FANCA: variants seen among roughly 807,000 people sequenced by gnomAD.
FANCA encodes the protein Fanconi anemia group A protein.
In FANCA, 236 loss-of-function variants were observed where a neutral mutation model predicts 194.3. The ratio of observed to expected loss-of-function variants is 1.21; its 90% CI spans 1.09 to 1.35. FANCA has a LOEUF of 1.35. Among genes scored for constraint, FANCA ranks in the 40% most tolerant of loss-of-function variants. The probability of loss-of-function intolerance (pLI) is 0.00; values close to 1 mark genes in which losing one functional copy is unlikely to be tolerated. For synonymous variants in FANCA, 1,014 were observed against 715.8 expected, an observed-to-expected ratio of 1.42 and a Z score of -6.65; for missense variants, 2,628 against 1,813.9, an observed-to-expected ratio of 1.45 and a Z score of -8.15.
At chr16:89,786,015 ATT>A (rs67279101) in intron 14 of FANCA, among the ~76,000 whole-genome samples, 10 of 104,074 alleles carry the variant, frequency 9.6e-5, no homozygotes, top group African/African-American at 1.2e-4. Flanking sequence ...ACTCCCAGCT[ATT>A]TTTTTTTTTT....
chr16:89,773,170 C>A, intron 22 of FANCA, 101 bp downstream of exon 22: 1 of 924,904 alleles, frequency 1.1e-6, no homozygotes. Flanking sequence ...ACTAGGAAGA[C>A]ACACCAGCCT....
At chr16:89,752,476 C>G (rs539202504) in intron 30 of FANCA, among the ~76,000 whole-genome samples, 1 of 152,116 alleles carries the variant, frequency 6.6e-6, no homozygotes. Flanking sequence ...GCCACCCAGG[C>G]ACCAAGGCAA....
At chr16:89,789,781 CTT>C (rs10565316) in intron 14 of FANCA, among the ~76,000 whole-genome samples, 3,185 of 152,202 alleles carry the variant, frequency 0.021, 107 homozygotes, top group African/African-American at 0.072. Flanking sequence ...CAAATGGAAA[CTT>C]TACTCACAAG....
chr16:89,759,202 C>A lies in FANCA; in HGVS notation c.2853-497G>T, dbSNP rs1017890646. Among the ~76,000 whole-genome samples the A allele has an allele frequency of 3.1e-4, 47 of 151,266 alleles. 1 individual carries two copies. Among genetic ancestry groups the A allele is most frequent in the Admixed American group, 9.9e-4 (15 of 15,150 alleles). On this transcript the variant is annotated intron_variant, in intron 29 of 42. Transcript: ENST00000389301. ...GGGCGTGGTGGTGGGCGCCTGTAGT[C>A]CCAGCTACTCAGGAGGCTGAGGCAG...
chr16:89,784,286 T>C (rs1300673375), intron 15 of FANCA, among the ~76,000 whole-genome samples: 1 of 151,604 alleles, frequency 6.6e-6, no homozygotes, highest in Non-Finnish European at 1.5e-5. Context: ...GTGGGAGAAC[T>C]GCTTGACCTG....
rs764052666 is a variant in FANCA, at chr16:89,814,606, C to G, written c.197G>C (p.Gly66Ala). Reference sequence around the variant, plus strand: ...GAGAGACAATTTTTTACACAGTGGACCTTCTACCTAGAATCCAAAACACAA... The same window carrying G: ...GAGAGACAATTTTTTACACAGTGGAGCTTCTACCTAGAATCCAAAACACAA... ...DLNALLLEVE[G>A]PLCKKLSLSK... Residue 66 changes from glycine to alanine, a missense_variant, in exon 3 of 43, where the codon GGT becomes GCT. Transcript: ENST00000389301. 2 of 1,612,534 alleles carry G rather than the reference C, an allele frequency of 1.2e-6. No homozygotes were observed. Among genetic ancestry groups the G allele is most frequent in the South Asian group, 2.2e-5 (2 of 91,040 alleles).
chr16:89,813,806 C>CCGTGTGTG, intron 3 of FANCA, among the ~76,000 whole-genome samples: 2 of 149,546 alleles, frequency 1.3e-5, no homozygotes, highest in East Asian at 4.0e-4. Flanking sequence ...AAGTCTTTTA[C>CCGTGTGTG]TGTGTGTGTG....
chr16:89,745,042 C>T lies in FANCA; in HGVS notation c.3543G>A (p.Leu1181=), dbSNP rs1336604242. 6.2e-7 allele frequency: 1 copy of T among 1,609,486 alleles called. No homozygotes were observed. The change falls in exon 36 of 43, where the codon CTG becomes CTA. Residue 1181 remains leucine (L), a synonymous_variant. Transcript: ENST00000389301. The part of the protein sequence containing the change: ...LVWWPSLEPV[L]LCRWRRHCQS... ...GGCAGTGTCTCCTCCACCGGCAGAG[C>T]AGCACAGGCTCCAGGCTCGGCCACC...
intron 17 of FANCA, among the ~76,000 whole-genome samples, chr16:89,781,509 T>TA (rs377160385): frequency 2.7e-5 from 4 of 145,566 alleles, no homozygotes; most frequent in Admixed American, 6.9e-5. Flanking sequence ...CCATCTCTAC[T>TA]AAAAAAATAC....
intron 36 of FANCA, among the ~76,000 whole-genome samples, chr16:89,744,203 CTTCT>C (rs2062195079): frequency 1.3e-5 from 2 of 152,220 alleles, no homozygotes; most frequent in Non-Finnish European, 1.5e-5. Context: ...GCCCTCTTCT[CTTCT>C]TTCAGCAGAC....
At chr16:89,809,009 C>T (rs889236344) in intron 5 of FANCA, among the ~76,000 whole-genome samples, 2 of 151,948 alleles carry the variant, frequency 1.3e-5, no homozygotes, top group African/African-American at 2.4e-5. Flanking sequence ...GGGTTCACGC[C>T]ATTCTCCTGC....
chr16:89,782,870 C>A lies in FANCA; in HGVS notation c.1615G>T (p.Asp539Tyr), dbSNP rs2039767633. ...GLYEDLSSAG[D>Y]ITEPHSQALQ... ...TCAAGCAACATTACCTCAGTAATGTCCCCAGCTGATGACAAATCCTCGTAG... is the reference window on the plus strand; with the variant it reads ...TCAAGCAACATTACCTCAGTAATGTACCCAGCTGATGACAAATCCTCGTAG... Residue 539 changes from aspartate to tyrosine, a missense_variant, in exon 17 of 43, where the codon GAC becomes TAC. Coordinates refer to ENST00000389301, the MANE Select transcript of FANCA (RefSeq NM_000135.4). 4 of 1,613,722 alleles carry A rather than the reference C, an allele frequency of 2.5e-6. No homozygotes were observed. The African/African-American group carries it at 5.3e-5, about 22-fold the overall frequency.
intron 33 of FANCA, among the ~76,000 whole-genome samples, chr16:89,747,961 G>A (rs553857677): frequency 6.6e-6 from 1 of 152,278 alleles, no homozygotes; most frequent in Admixed American, 6.5e-5. Flanking sequence ...CACCCAGGCT[G>A]GAGTGTAGTG....
At chr16:89,739,795 T>C (rs1390725371) in intron 39 of FANCA, 199 bp downstream of exon 39, 3 of 1,467,188 alleles carry the variant, frequency 2.0e-6, no homozygotes, top group South Asian at 2.8e-5. Flanking sequence ...GATAGGCCCA[T>C]TGGTCCTGGG....
intron 3 of FANCA, among the ~76,000 whole-genome samples, 168 bp from the exon 4 acceptor site, chr16:89,811,239 T>C (rs17232176): frequency 1.2e-3 from 190 of 152,268 alleles, no homozygotes; most frequent in African/African-American, 4.4e-3. Flanking sequence ...AAATGAGAAT[T>C]TGATGATCCA....
chr16:89,803,176 TAG>T (rs546524443), intron 8 of FANCA, 81 bp downstream of exon 8: 37 of 1,303,540 alleles, frequency 2.8e-5, no homozygotes, highest in East Asian at 2.3e-4. Flanking sequence ...CACGTTTCAA[TAG>T]AGAGACACGT....
At chr16:89,739,876 T>G in intron 39 of FANCA, 118 bp downstream of exon 39, 1 of 1,552,792 alleles carries the variant, frequency 6.4e-7, no homozygotes, top group Non-Finnish European at 8.7e-7. Flanking sequence ...CCAACTAAAA[T>G]GGAGCTTATA....
chr16:89,743,777 C>A (rs773572246), intron 36 of FANCA, among the ~76,000 whole-genome samples: 5 of 152,044 alleles, frequency 3.3e-5, no homozygotes, highest in African/African-American at 1.2e-4. Flanking sequence ...GAGCCGAGAT[C>A]GTGCCATCTC....
At chr16:89,788,278 T>A (rs1185394464) in intron 14 of FANCA, among the ~76,000 whole-genome samples, 1 of 151,660 alleles carries the variant, frequency 6.6e-6, no homozygotes, top group Non-Finnish European at 1.5e-5. Context: ...CTGGCCAACA[T>A]GGTGAGACCC....
Sources: allele counts gnomAD v4.1 joint callset (sites outside exome capture counted in the v4.1 genomes callset), GRCh38; gene constraint gnomAD v4.1.1; transcripts MANE v1.5; gene names NCBI Gene and HGNC (gene_info 2026-07-23, HGNC 2026-07-21).